Variants in NRXN3 observed in about 807,000 individuals in gnomAD.
NRXN3 encodes the protein neurexin 3.
A neutral mutation model predicts 137.6 loss-of-function variants in NRXN3; 32 were observed. The ratio of observed to expected loss-of-function variants is 0.23; its 90% confidence interval spans 0.18 to 0.31. NRXN3 has a LOEUF of 0.31. Ranked by LOEUF, NRXN3 falls within the 10% of genes least tolerant of loss-of-function variation. The probability of loss-of-function intolerance (pLI) is 1.00; values close to 1 mark genes in which losing one functional copy is unlikely to be tolerated. For missense variants in NRXN3, 1,574 were observed against 2,062.5 expected, an observed-to-expected ratio of 0.76 and a Z score of 4.59; for synonymous variants, 798 against 784.5, an observed-to-expected ratio of 1.02 and a Z score of -0.29.
At chr14:79,673,681 T>C (rs563128117) in intron 17 of NRXN3, among the ~76,000 whole-genome samples, 2 of 152,100 alleles carry the variant, frequency 1.3e-5, no homozygotes, top group South Asian at 2.1e-4. Flanking sequence ...CTACTTTATA[T>C]GTGAATTCAT....
chr14:78,887,585 C>T (rs1394747373), intron 10 of NRXN3, among the ~76,000 whole-genome samples: 1 of 152,026 alleles, frequency 6.6e-6, no homozygotes, highest in Non-Finnish European at 1.5e-5. Flanking sequence ...GTGCTATAGA[C>T]ATTCCAGGGA....
At chr14:78,530,440 G>A (rs986067004) in intron 4 of NRXN3, among the ~76,000 whole-genome samples, 2 of 152,170 alleles carry the variant, frequency 1.3e-5, no homozygotes, top group Non-Finnish European at 2.9e-5. Context: ...AGTTGTCAAG[G>A]CACTTAGGCT....
intron 15 of NRXN3, among the ~76,000 whole-genome samples, chr14:79,134,963 A>G (rs780513051): frequency 1.3e-5 from 2 of 152,206 alleles, no homozygotes; most frequent in African/African-American, 4.8e-5. Flanking sequence ...CTGCTGACCA[A>G]GGTTAGAACT....
At chr14:79,436,351 G>A (rs1020755631) in intron 15 of NRXN3, among the ~76,000 whole-genome samples, 1 of 152,102 alleles carries the variant, frequency 6.6e-6, no homozygotes, top group Non-Finnish European at 1.5e-5. Flanking sequence ...CCTCTCTGGT[G>A]TTTGAATGCA....
chr14:79,661,724 A>T (rs1055840213), intron 16 of NRXN3: 1 of 152,122 alleles, frequency 6.6e-6, no homozygotes, highest in Non-Finnish European at 1.5e-5. Context: ...GACTTTTCTC[A>T]CATTCTTCTT....
At chr14:79,571,801 A>G (rs1304320287) in intron 16 of NRXN3, among the ~76,000 whole-genome samples, 1 of 152,154 alleles carries the variant, frequency 6.6e-6, no homozygotes, top group African/African-American at 2.4e-5. Context: ...AGTCTAGAGA[A>G]CTAAGAATAC....
Position 79,572,531 on chromosome 14 carries a change from G to A in NRXN3, c.3445-91247G>A, listed in dbSNP as rs7141526. ...GGTTCACAGCATCGTGCTCTTTTGT[G>A]ATGTGGTTTAGAAGAAAACCAGCTC... On this transcript the variant is annotated intron_variant, in intron 16 of 20. Coordinates refer to ENST00000335750, the MANE Select transcript of NRXN3 (RefSeq NM_001330195.2). Among the ~76,000 whole-genome samples, 786 of 152,110 alleles carry A rather than the reference G, an allele frequency of 5.2e-3. 6 individuals are homozygous for A. The highest frequency in any genetic ancestry group is 0.018 in the African/African-American group (749 of 41,472).
At chr14:79,495,174 G>A (rs1348662301) in intron 16 of NRXN3, among the ~76,000 whole-genome samples, 8 of 152,166 alleles carry the variant, frequency 5.3e-5, no homozygotes, top group East Asian at 1.9e-4. Flanking sequence ...TAGCATGTGC[G>A]CAGGCCACCA....
chr14:78,317,285 A>G (rs746898856), intron 4 of NRXN3, among the ~76,000 whole-genome samples: 69 of 152,210 alleles, frequency 4.5e-4, no homozygotes, highest in South Asian at 1.9e-3. Context: ...GTGGTGGTTC[A>G]TGACCTGTTG....
At chr14:78,360,598 C>T (rs1034881029) in intron 4 of NRXN3, among the ~76,000 whole-genome samples, 1 of 152,106 alleles carries the variant, frequency 6.6e-6, no homozygotes, top group Non-Finnish European at 1.5e-5. Context: ...ATAGTAATAG[C>T]GCCTACCCCA....
chr14:79,711,090 A>ATATGT (rs929050967), intron 19 of NRXN3, among the ~76,000 whole-genome samples: 3 of 152,338 alleles, frequency 2.0e-5, no homozygotes, highest in East Asian at 1.9e-4. Context: ...TGTAAACAAT[A>ATATGT]TATGTTTTGA....
In NRXN3 at chr14:78,309,892, C is replaced by T. The variant is rs1286859588; in HGVS notation, c.757+12032C>T. Among the ~76,000 whole-genome samples, 6 of 152,134 alleles carry T rather than the reference C, an allele frequency of 3.9e-5. No homozygotes were observed. In the South Asian group the frequency reaches 1.2e-3, roughly 32 times the overall value. On this transcript the variant is annotated intron_variant, in intron 4 of 20. Transcript: ENST00000335750. ...CTTAACTCAAGTGTCTTTTTAAGTA[C>T]ATTTTCTATTTTGATTGGGAATAGT...
intron 15 of NRXN3, among the ~76,000 whole-genome samples, chr14:79,368,141 G>C (rs1402599372): frequency 6.6e-6 from 1 of 151,974 alleles, no homozygotes; most frequent in Non-Finnish European, 1.5e-5. Flanking sequence ...TTTCTGTTTG[G>C]GCCAGAACAA....
intron 15 of NRXN3, among the ~76,000 whole-genome samples, chr14:79,186,101 A>G (rs565668373): frequency 6.6e-6 from 1 of 152,308 alleles, no homozygotes; most frequent in East Asian, 1.9e-4. Context: ...AAATGTTCTG[A>G]TACATGCAAA....
intron 6 of NRXN3, among the ~76,000 whole-genome samples, chr14:78,707,353 T>G (rs1030696326): frequency 6.6e-6 from 1 of 152,204 alleles, no homozygotes; most frequent in Non-Finnish European, 1.5e-5. Context: ...ACTCAGATCC[T>G]TGTCTATTTC....
intron 4 of NRXN3, among the ~76,000 whole-genome samples, chr14:78,537,054 C>G (rs1393619002): frequency 6.6e-6 from 1 of 152,146 alleles, no homozygotes; most frequent in Non-Finnish European, 1.5e-5. Context: ...GTGAGTAGTA[C>G]CACCATAAAC....
At chr14:79,277,773 G>A (rs1738379305) in intron 15 of NRXN3, among the ~76,000 whole-genome samples, 1 of 152,196 alleles carries the variant, frequency 6.6e-6, no homozygotes. Flanking sequence ...AAGTATGCAA[G>A]ACCTTGTCAG....
intron 16 of NRXN3, among the ~76,000 whole-genome samples, chr14:79,600,513 T>C (rs1185414111): frequency 6.6e-6 from 1 of 152,146 alleles, no homozygotes; most frequent in East Asian, 1.9e-4. Flanking sequence ...GGTCAAATAC[T>C]AGAATCTGCA....
chr14:79,268,800 CAG>C (rs1568865656), intron 15 of NRXN3, among the ~76,000 whole-genome samples: 3 of 152,070 alleles, frequency 2.0e-5, no homozygotes, highest in Admixed American at 1.3e-4. Context: ...AATTGTAAAA[CAG>C]AGATACTTAT....
Sources: allele counts gnomAD v4.1 joint callset (sites outside exome capture counted in the v4.1 genomes callset), GRCh38; gene constraint gnomAD v4.1.1; transcripts MANE v1.5; gene names NCBI Gene and HGNC (gene_info 2026-07-23, HGNC 2026-07-21).